SLC35F1: variants seen among roughly 807,000 people sequenced by gnomAD.
SLC35F1 encodes the protein solute carrier family 35 member F1.
Under a neutral mutation model 48.7 loss-of-function variants are expected in SLC35F1, and 14 were observed. The observed-to-expected ratio is 0.29, with a 90% CI of 0.19 to 0.45. SLC35F1 has a LOEUF of 0.45. SLC35F1 is among the 20% of genes least tolerant of loss of function. The probability of loss-of-function intolerance (pLI) is 1.00; values close to 1 mark genes in which losing one functional copy is unlikely to be tolerated. For synonymous variants in SLC35F1, 190 were observed against 202.2 expected (o/e 0.94, Z 0.51); for missense variants, 404 against 500.0 (o/e 0.81, Z 1.83).
intron 3 of SLC35F1, among the ~76,000 whole-genome samples, chr6:118,237,325 AC>A (rs1372158857): frequency 5.4e-3 from 6 of 1,114 alleles, no homozygotes; most frequent in Non-Finnish European, 0.016. Context: ...TTCTAAGAAA[AC>A]ACACACACAC....
intron 1 of SLC35F1, among the ~76,000 whole-genome samples, chr6:118,070,594 C>A (rs1582649091): frequency 6.6e-6 from 1 of 151,968 alleles, no homozygotes; most frequent in East Asian, 1.9e-4. Context: ...TCCTACCCAG[C>A]AGCACCCAGT....
intron 1 of SLC35F1, among the ~76,000 whole-genome samples, chr6:117,923,087 A>G (rs988185490): frequency 6.6e-6 from 1 of 152,214 alleles, no homozygotes; most frequent in Admixed American, 6.5e-5. Flanking sequence ...TGCAACAGCT[A>G]TGCAAATTTT....
At chr6:118,147,598 C>T (rs564082045) in intron 1 of SLC35F1, among the ~76,000 whole-genome samples, 54 of 152,210 alleles carry the variant, frequency 3.5e-4, no homozygotes, top group African/African-American at 1.2e-3. Flanking sequence ...TGCGCAATCA[C>T]GGAGCTTAGT....
intron 3 of SLC35F1, among the ~76,000 whole-genome samples, chr6:118,265,895 T>G (rs1775767595): frequency 6.6e-6 from 1 of 152,182 alleles, no homozygotes; most frequent in Non-Finnish European, 1.5e-5. Context: ...GTGACATCAC[T>G]TTGTCTAAGA....
chr6:118,006,139 T>A (rs187989411), intron 1 of SLC35F1, among the ~76,000 whole-genome samples: 1 of 152,302 alleles, frequency 6.6e-6, no homozygotes, highest in African/African-American at 2.4e-5. Context: ...ATTATTGCTA[T>A]TATCATTTTT....
intron 1 of SLC35F1, among the ~76,000 whole-genome samples, chr6:117,967,269 T>C (rs930093895): frequency 2.0e-5 from 3 of 151,676 alleles, no homozygotes; most frequent in African/African-American, 7.3e-5. Flanking sequence ...GGATAGAAAA[T>C]ACAGGAAAAA....
chr6:118,160,684 G>A (rs971675988), intron 2 of SLC35F1, among the ~76,000 whole-genome samples: 1 of 152,160 alleles, frequency 6.6e-6, no homozygotes, highest in Admixed American at 6.5e-5. Flanking sequence ...AGGTATTCAA[G>A]CACCTGTGCT....
intron 1 of SLC35F1, among the ~76,000 whole-genome samples, chr6:118,059,010 A>G (rs2114269472): frequency 6.6e-6 from 1 of 152,328 alleles, no homozygotes; most frequent in South Asian, 2.1e-4. Context: ...GCAATTCATC[A>G]TTTTAAGAAT....
At chr6:118,005,783 C>A (rs114121799) in intron 1 of SLC35F1, among the ~76,000 whole-genome samples, 1,545 of 152,182 alleles carry the variant, frequency 0.01, 28 homozygotes, top group African/African-American at 0.035. Context: ...ATTACCTGAC[C>A]CACCGTCTGA....
At chr6:118,221,428 C>T (rs1292604190) in intron 2 of SLC35F1, among the ~76,000 whole-genome samples, 3 of 152,114 alleles carry the variant, frequency 2.0e-5, no homozygotes, top group African/African-American at 4.8e-5. Flanking sequence ...TCCTCCTGAC[C>T]TCCAAGACTG....
At chr6:118,257,786 C>A (rs961480183) in intron 3 of SLC35F1, among the ~76,000 whole-genome samples, 3 of 151,988 alleles carry the variant, frequency 2.0e-5, no homozygotes, top group Non-Finnish European at 4.4e-5. Flanking sequence ...TAGTTAAAAG[C>A]CATAAGTTGA....
At chr6:117,998,834 A>G (rs2114864676) in intron 1 of SLC35F1, 2 of 530,958 alleles carry the variant, frequency 3.8e-6, no homozygotes, top group East Asian at 7.1e-5. Flanking sequence ...GAAAGATCCA[A>G]AATTGACACC....
intron 7 of SLC35F1, among the ~76,000 whole-genome samples, chr6:118,307,323 A>G (rs1193290683): frequency 6.6e-6 from 1 of 152,198 alleles, no homozygotes; most frequent in Non-Finnish European, 1.5e-5. Context: ...CTCTCTAAAG[A>G]CAACTGATTT....
rs144221844 is a variant in SLC35F1 at position 118,244,997 on chromosome 6, G to T, written c.477+9361G>T. 2.9e-3 allele frequency among the ~76,000 whole-genome samples: 446 copies of T among 152,306 alleles called. 2 individuals carry two copies. Among genetic ancestry groups the T allele is most frequent in the African/African-American group, 0.01 (416 of 41,562 alleles). ...GTGCATTTATTCACACAGGACACAG[G>T]TATGGAACACTAAACACCTTTTCAG... On this transcript the variant is annotated intron_variant, in intron 3 of 7. Coordinates refer to ENST00000360388, the MANE Select transcript of SLC35F1 (RefSeq NM_001029858.4).
intron 1 of SLC35F1, among the ~76,000 whole-genome samples, chr6:117,918,904 T>A (rs541777421): frequency 9.9e-5 from 15 of 152,150 alleles, no homozygotes; most frequent in African/African-American, 3.4e-4. Flanking sequence ...TAAAATAATT[T>A]TTTTTTTAAG....
chr6:117,987,495 T>C (rs1438707362), intron 1 of SLC35F1, among the ~76,000 whole-genome samples: 4 of 151,860 alleles, frequency 2.6e-5, no homozygotes, highest in Non-Finnish European at 5.9e-5. Context: ...CCTCTCCTCA[T>C]CTCTTTTCCC....
chr6:117,992,878 A>T (rs1776937458), intron 1 of SLC35F1, among the ~76,000 whole-genome samples: 1 of 152,248 alleles, frequency 6.6e-6, no homozygotes. Context: ...TCTATCAGAA[A>T]GATAGGAATT....
intron 2 of SLC35F1, among the ~76,000 whole-genome samples, chr6:118,216,095 T>G (rs1311406481): frequency 6.6e-6 from 1 of 151,220 alleles, no homozygotes; most frequent in African/African-American, 2.4e-5. Context: ...TGTTTTTTTT[T>G]TTTTGAGATC....
intron 2 of SLC35F1, among the ~76,000 whole-genome samples, chr6:118,229,393 C>T (rs761930576): frequency 1.3e-5 from 2 of 152,132 alleles, no homozygotes; most frequent in Non-Finnish European, 2.9e-5. Flanking sequence ...TGAGGGCTGG[C>T]AACTCCTGGG....
Sources: gnomAD v4.1 joint callset for allele counts (sites outside exome capture counted in the v4.1 genomes callset) on GRCh38, gnomAD v4.1.1 for gene constraint, MANE v1.5 for transcripts, NCBI Gene and HGNC (gene_info 2026-07-23, HGNC 2026-07-21) for gene names.